The following PCDHA3 variants were observed in gnomAD, a reference collection of about 807,000 sequenced individuals.
PCDHA3 encodes the protein protocadherin alpha-3.
A neutral mutation model predicts 62.2 loss-of-function variants in PCDHA3; 41 were observed. The observed-to-expected ratio is 0.66, with a 90% CI of 0.51 to 0.86. PCDHA3 has a LOEUF of 0.86. Among genes scored for constraint, PCDHA3 ranks in the 40% least tolerant of loss-of-function variants. PCDHA3 has a pLI of 0.00. For missense variants in PCDHA3, 1,304 were observed against 1,241.2 expected, an observed-to-expected ratio of 1.05 and a Z score of -0.76; for synonymous variants, 640 against 555.4, an observed-to-expected ratio of 1.15 and a Z score of -2.14.
At chr5:140,834,506 T>A in intron 1 of PCDHA3, 1 of 1,614,072 alleles carries the variant, frequency 6.2e-7, no homozygotes, top group Non-Finnish European at 8.5e-7. Flanking sequence ...AGGCTAAACA[T>A]GGCAACTTCG....
chr5:140,937,213 A>AT (rs1339770312), intron 1 of PCDHA3, among the ~76,000 whole-genome samples: 2 of 151,454 alleles, frequency 1.3e-5, no homozygotes, highest in Admixed American at 1.3e-4. Flanking sequence ...AATTTTTTGT[A>AT]TTTTTTGTAG....
rs142074942 is a variant in PCDHA3, at chr5:140,842,421, C to T, written c.2394+38830C>T. Reference sequence around the variant, plus strand: ...GTACGTGAAGACGCTCAATTTGGTACTGTCATCGCCCTAATTAGCGTGAAC... The same window carrying T: ...GTACGTGAAGACGCTCAATTTGGTATTGTCATCGCCCTAATTAGCGTGAAC... On this transcript the variant is annotated intron_variant, in intron 1 of 3. Coordinates refer to ENST00000522353, the MANE Select transcript of PCDHA3 (RefSeq NM_018906.3). The T allele has an allele frequency of 2.6e-4, 427 of 1,613,464 alleles. 6 individuals carry two copies. In the African/African-American group the frequency reaches 2.7e-3, roughly 10 times the overall value.
intron 1 of PCDHA3, chr5:140,841,056 A>T: frequency 2.2e-6 from 1 of 445,048 alleles, no homozygotes; most frequent in Non-Finnish European, 3.9e-6. Context: ...TTACTATTAA[A>T]TTATGATAAA....
At chr5:140,968,965 C>T in intron 1 of PCDHA3, 1 of 1,614,208 alleles carries the variant, frequency 6.2e-7, no homozygotes, top group Non-Finnish European at 8.5e-7. Context: ...AGTGCTACCG[C>T]TACACTGCGT....
chr5:140,973,468 C>T (rs2096588845), intron 1 of PCDHA3, among the ~76,000 whole-genome samples: 1 of 152,202 alleles, frequency 6.6e-6, no homozygotes, highest in East Asian at 1.9e-4. Context: ...TTTTAGTTTG[C>T]AAATTTCATA....
In PCDHA3 at chr5:140,993,460, T is replaced by TCCCA. The variant is rs1554253699; in HGVS notation, c.2542+10898_2542+10899insCCAC. On this transcript the variant is annotated intron_variant, in intron 3 of 3. Transcript: ENST00000522353. Reference sequence around the variant, plus strand: ...TTCATTCCTGTTCTCCTTCTTTCTTTCTCACACACACACACACACACACAC... The same window carrying TCCCA: ...TTCATTCCTGTTCTCCTTCTTTCTTTCCCACTCACACACACACACACACACACAC... Among the ~76,000 whole-genome samples, 30 of 104,506 alleles carry TCCCA rather than the reference T, an allele frequency of 2.9e-4. 1 individual carries two copies. The highest frequency in any genetic ancestry group is 1.1e-3 in the African/African-American group (29 of 25,484). The allele number at this position is 104,506 out of a possible 152,430, so 68.6% of individuals were successfully genotyped here.
At chr5:140,884,166 C>G (rs1554181300) in intron 1 of PCDHA3, 2 of 1,613,430 alleles carry the variant, frequency 1.2e-6, no homozygotes, top group Non-Finnish European at 8.5e-7. Flanking sequence ...GAGATCAGCA[C>G]GACGCGCCCT....
intron 1 of PCDHA3, among the ~76,000 whole-genome samples, chr5:140,885,158 T>C (rs1250241606): frequency 6.6e-6 from 1 of 152,198 alleles, no homozygotes; most frequent in African/African-American, 2.4e-5. Flanking sequence ...TGATTGTCTC[T>C]ACTTTTTTGT....
chr5:140,806,899 C>A, intron 1 of PCDHA3: 2 of 454,470 alleles, frequency 4.4e-6, no homozygotes, highest in Admixed American at 3.9e-5. Context: ...TCCTATTCTC[C>A]GAAACGACTG....
At chr5:140,945,147 T>C (rs1554216774) in intron 1 of PCDHA3, among the ~76,000 whole-genome samples, 1 of 152,154 alleles carries the variant, frequency 6.6e-6, no homozygotes, top group Non-Finnish European at 1.5e-5. Flanking sequence ...ATAGCATTTC[T>C]ATACACTATT....
chr5:141,004,608 T>A (rs2153981502), intron 3 of PCDHA3, among the ~76,000 whole-genome samples: 1 of 152,348 alleles, frequency 6.6e-6, no homozygotes, highest in African/African-American at 2.4e-5. Flanking sequence ...TTAGGCCTCA[T>A]GCAGAGTCCT....
At chr5:140,958,544 A>G (rs1218939069) in intron 1 of PCDHA3, among the ~76,000 whole-genome samples, 1 of 152,182 alleles carries the variant, frequency 6.6e-6, no homozygotes, top group Non-Finnish European at 1.5e-5. Flanking sequence ...TGATTTATGA[A>G]CCAATAAATG....
Position 140,856,390 on chromosome 5 carries a change from G to A in PCDHA3, c.2394+52799G>A, listed in dbSNP as rs2043967931. On this transcript the variant is annotated intron_variant, in intron 1 of 3. Coordinates refer to ENST00000522353, the MANE Select transcript of PCDHA3 (RefSeq NM_018906.3). ...AGGTGATCGTGGACAGGCCGCTGCA[G>A]GTTTTCCATGTGGACGTGGAAGTGA... is the stretch of plus-strand genomic sequence containing the variant. 3 of 1,598,440 alleles carry A rather than the reference G, an allele frequency of 1.9e-6. 1 individual carries two copies. The highest frequency in any genetic ancestry group is 2.6e-6 in the Non-Finnish European group (3 of 1,167,994).
intron 3 of PCDHA3, among the ~76,000 whole-genome samples, chr5:141,002,749 A>G (rs2098093412): frequency 1.3e-5 from 2 of 152,202 alleles, no homozygotes; most frequent in South Asian, 4.1e-4. Flanking sequence ...TACATCGACA[A>G]CCCTGTGATG....
intron 1 of PCDHA3, chr5:140,830,015 T>C (rs1770748975): frequency 1.7e-5 from 28 of 1,613,788 alleles, no homozygotes; most frequent in Non-Finnish European, 2.4e-5. Flanking sequence ...CGAAGCGGAC[T>C]CTCCGCGCCA....
At chr5:140,841,440 A>G in intron 1 of PCDHA3, 1 of 1,612,980 alleles carries the variant, frequency 6.2e-7, no homozygotes, top group Non-Finnish European at 8.5e-7. Flanking sequence ...GAGGAGGCCA[A>G]ACACGGCACC....
Position 141,009,840 on chromosome 5 carries a change from A to T in PCDHA3, c.2756A>T (p.Lys919Met), listed in dbSNP as rs782270689. 1 of 1,614,186 alleles carries T rather than the reference A, an allele frequency of 6.2e-7. No individual in the cohort carries two copies. The highest frequency in any genetic ancestry group is 1.7e-5 in the Admixed American group (1 of 60,024). The change falls in exon 4 of 4, where the codon AAG (lysine) becomes ATG (methionine). Residue 919 changes from lysine (K) to methionine (M), a missense_variant. Lys to Met is a moderately conservative substitution (Grantham distance 95). Coordinates refer to ENST00000522353, the MANE Select transcript of PCDHA3 (RefSeq NM_018906.3). ...AGTGACTTCATAACCTTCGGCAAAA[A>T]GGAGGAGACCAAGAAAAAGAAGAAA... Reference protein sequence around the residue: ...DKSDFITFGKKEETKKKKKKK... With the variant: ...DKSDFITFGKMEETKKKKKKK...
At chr5:141,006,188 A>C (rs1319299509) in intron 3 of PCDHA3, among the ~76,000 whole-genome samples, 2 of 150,182 alleles carry the variant, frequency 1.3e-5, no homozygotes, top group Admixed American at 6.7e-5. Flanking sequence ...AGAGTTTGCT[A>C]TATGTATGTT....
chr5:140,882,798 A>G, intron 1 of PCDHA3: 1 of 1,614,236 alleles, frequency 6.2e-7, no homozygotes, highest in South Asian at 1.1e-5. Context: ...CCCAACGATT[A>G]TTTCACTTTG....
Sources: gnomAD v4.1 joint callset for allele counts (sites outside exome capture counted in the v4.1 genomes callset) on GRCh38, gnomAD v4.1.1 for gene constraint, MANE v1.5 for transcripts, NCBI Gene and HGNC (gene_info 2026-07-23, HGNC 2026-07-21) for gene names.